ZNF483: variants seen among roughly 807,000 people sequenced by gnomAD.
ZNF483 encodes zinc finger protein 483, also known as zinc finger protein HIT-10.
Under a neutral mutation model 28.6 loss-of-function variants are expected in ZNF483, and 9 were observed. The ratio of observed to expected loss-of-function variants is 0.32; its 90% CI spans 0.19 to 0.55. The LOEUF (loss-of-function observed/expected upper bound fraction) is 0.55. ZNF483 is among the 20% of genes least tolerant of loss of function. The pLI is 0.93. For missense variants in ZNF483, 675 were observed against 871.7 expected (o/e 0.77, Z 2.84); for synonymous variants, 322 against 306.2 (o/e 1.05, Z -0.54).
Position 111,531,048 on chromosome 9 carries a change from G to C in ZNF483, c.501+85G>C, listed in dbSNP as rs925447069. The C allele has an allele frequency of 1.2e-5, 7 of 567,962 alleles. No homozygotes were observed. The Admixed American group carries it at 1.9e-4, about 16-fold the overall frequency. 35.2% of individuals were successfully genotyped at this position (567,962 alleles called of 1,614,324 possible). A position where few individuals can be genotyped will look rare whatever the true frequency, so the allele number is the denominator to read the frequency against. On this transcript the variant is annotated intron_variant, in intron 3 of 5. Coordinates refer to ENST00000309235, the MANE Select transcript of ZNF483 (RefSeq NM_133464.5). ...TGGTATAAAGATATAAAAATAAAAG[G>C]CTAGGCACGGTGGCTTACACCTGTA...
intron 5 of ZNF483, chr9:111,570,302 T>C: frequency 6.7e-7 from 1 of 1,481,856 alleles, no homozygotes; most frequent in African/African-American, 1.4e-5. Flanking sequence ...TGCTTGGTGC[T>C]GGGAGTTTTT....
At chr9:111,536,165 A>G (rs1311409693) in intron 5 of ZNF483, among the ~76,000 whole-genome samples, 2 of 151,322 alleles carry the variant, frequency 1.3e-5, no homozygotes, top group Non-Finnish European at 2.9e-5. Context: ...TACTGGGATT[A>G]CAGGCATGAG....
At chr9:111,534,775 G>A (rs1164572116) in intron 5 of ZNF483, among the ~76,000 whole-genome samples, 5 of 132,696 alleles carry the variant, frequency 3.8e-5, no homozygotes, top group African/African-American at 1.2e-4. Context: ...CCGAGCTAGA[G>A]TGCAGTGGCG....
chr9:111,559,584 CCA>C (rs149722704), downstream of ZNF483, among the ~76,000 whole-genome samples: 3 of 151,680 alleles, frequency 2.0e-5, no homozygotes, highest in South Asian at 2.1e-4. Flanking sequence ...TCACCAGTGT[CCA>C]CACACACACA....
Position 111,550,901 on chromosome 9 carries a change from C to G in ZNF483, c.*7731C>G, listed in dbSNP as rs906324428. Among the ~76,000 whole-genome samples the G allele has an allele frequency of 6.6e-6, 1 of 152,138 alleles. No individual in the cohort carries two copies. The highest frequency in any genetic ancestry group is 6.5e-5 in the Admixed American group (1 of 15,278). On this transcript the variant is annotated 3_prime_UTR_variant, in exon 6 of 6. Coordinates refer to ENST00000309235, the MANE Select transcript of ZNF483 (RefSeq NM_133464.5). ...TCTGCTCCCTGCATTATCCCTGTTT[C>G]CTTTGAGTTGTTTTCACCTGTTTTC...
At position 111,551,341 on chromosome 9, in the gene ZNF483, TTTG is replaced by T. The variant is rs918560884; in HGVS notation, c.*8180_*8182del. 6.6e-6 allele frequency among the ~76,000 whole-genome samples: 1 copy of T among 151,842 alleles called. No homozygotes were observed. Among genetic ancestry groups the T allele is most frequent in the Non-Finnish European group, 1.5e-5 (1 of 67,960 alleles). Reference sequence around the variant, plus strand: ...ATTCACATAGTTCTTCCAAACATACTTTGTTGTTGTTCTAAATATACTTAATTT... The same window carrying T: ...ATTCACATAGTTCTTCCAAACATACTTTGTTGTTCTAAATATACTTAATTT... On this transcript the variant is annotated 3_prime_UTR_variant, in exon 6 of 6. Coordinates refer to ENST00000309235, the MANE Select transcript of ZNF483 (RefSeq NM_133464.5).
At chr9:111,561,148 G>GAAGA (rs1267075709) in intron 5 of ZNF483, among the ~76,000 whole-genome samples, 1 of 34,840 alleles carries the variant, frequency 2.9e-5, no homozygotes, top group Non-Finnish European at 4.9e-5. Flanking sequence ...GGAGAGAGAG[G>GAAGA]GAGAGAGAGA....
Position 111,541,686 on chromosome 9 carries a change from A to G in ZNF483, c.751A>G (p.Arg251Gly). The G allele has an allele frequency of 6.2e-7, 1 of 1,605,966 alleles. No homozygotes were observed. The highest frequency in any genetic ancestry group is 8.5e-7 in the Non-Finnish European group (1 of 1,177,972). Residue 251 changes from arginine (R) to glycine (G), a missense_variant, in exon 6 of 6, where the codon AGG becomes GGG. Transcript: ENST00000309235. ...DESALDKIIE[R>G]CLRDDDHGLM... Reference sequence around the variant, plus strand: ...ATCAGCTTTAGATAAAATAATAGAAAGGTGCCTCAGGGATGATGATCATGG... The same window carrying G: ...ATCAGCTTTAGATAAAATAATAGAAGGGTGCCTCAGGGATGATGATCATGG...
intron 5 of ZNF483, among the ~76,000 whole-genome samples, chr9:111,536,612 TC>T (rs1323814038): frequency 6.6e-6 from 1 of 152,182 alleles, no homozygotes; most frequent in African/African-American, 2.4e-5. Flanking sequence ...CTTGCTCTAT[TC>T]CATCTTCTCA....
rs1828374603 is a variant in ZNF483 at position 111,562,912 on chromosome 9, AAC to A, written c.722-13451_722-13450del. 1.5e-5 allele frequency: 20 copies of A among 1,346,680 alleles called. 2 individuals are homozygous for A. In the South Asian group the frequency reaches 3.5e-4, roughly 24 times the overall value. The allele number at this position is 1,346,680 out of a possible 1,614,324, so 83.4% of individuals were successfully genotyped here. ...CCACAACTCAGAAGAAGCTGTAGTG[AAC>A]AGTGAGGTGACTGGTTGTTGTTGAC... On this transcript the variant is annotated intron_variant, in intron 5 of 5. Transcript: ENST00000358151.
intron 5 of ZNF483, among the ~76,000 whole-genome samples, chr9:111,568,338 A>T (rs541544662): frequency 6.6e-6 from 1 of 152,280 alleles, no homozygotes; most frequent in South Asian, 2.1e-4. Flanking sequence ...ATTTGAGATA[A>T]GCACTGAAAT....
At chr9:111,535,781 G>A (rs1416461479) in intron 5 of ZNF483, among the ~76,000 whole-genome samples, 4 of 151,858 alleles carry the variant, frequency 2.6e-5, no homozygotes, top group African/African-American at 7.3e-5. Context: ...TCCTGACCTC[G>A]TGATCTTCCT....
chr9:111,534,377 C>T (rs1420583011), intron 5 of ZNF483, 24 bp downstream of exon 5: 43 of 1,591,220 alleles, frequency 2.7e-5, no homozygotes, highest in African/African-American at 4.0e-5. Context: ...AAATACACAA[C>T]GAAATTAAAG....
intron 5 of ZNF483, among the ~76,000 whole-genome samples, chr9:111,572,815 A>C (rs1828887142): frequency 6.6e-6 from 1 of 151,864 alleles, no homozygotes; most frequent in South Asian, 2.1e-4. Context: ...CAGTCTGGGA[A>C]ACAGAGCAAG....
At chr9:111,561,006 GAGA>G (rs1828280801) in intron 5 of ZNF483, among the ~76,000 whole-genome samples, 1 of 97,314 alleles carries the variant, frequency 1.0e-5, no homozygotes, top group Non-Finnish European at 2.0e-5. Context: ...GAGAGAGAGA[GAGA>G]GAGAGAGAGG....
At chr9:111,576,551 A>G in exon 6 of ZNF483, 1 of 1,146,770 alleles carries the variant, frequency 8.7e-7, no homozygotes, top group South Asian at 1.6e-5. Flanking sequence ...GGTATTAGCT[A>G]GTGGAGTGGC....
chr9:111,566,391 C>G (rs971885975), intron 5 of ZNF483, among the ~76,000 whole-genome samples: 1 of 152,174 alleles, frequency 6.6e-6, no homozygotes. Flanking sequence ...CCCAGCCCGG[C>G]ACTGCAAGTG....
intron 5 of ZNF483, among the ~76,000 whole-genome samples, chr9:111,535,246 G>A (rs1221779977): frequency 2.0e-5 from 3 of 152,236 alleles, no homozygotes; most frequent in Non-Finnish European, 4.4e-5. Flanking sequence ...GGTGTGAGTG[G>A]TGCATTTTTA....
intron 2 of ZNF483, 105 bp from the exon 3 acceptor site, chr9:111,530,770 T>TATAC (rs1827310730): frequency 2.8e-5 from 1 of 35,452 alleles, no homozygotes; most frequent in Non-Finnish European, 5.0e-5. Context: ...TATATATATA[T>TATAC]ATATATATAT....
Sources: gnomAD v4.1 joint callset for allele counts (sites outside exome capture counted in the v4.1 genomes callset) on GRCh38, gnomAD v4.1.1 for gene constraint, MANE v1.5 for transcripts, NCBI Gene and HGNC (gene_info 2026-07-23, HGNC 2026-07-21) for gene names.